The following CCND3 variants were observed in gnomAD, a reference collection of about 807,000 sequenced individuals.
CCND3 encodes G1/S-specific cyclin-D3.
CCND3 carries 9 observed loss-of-function variants against 28.7 expected under a neutral mutation model. The observed-to-expected ratio is 0.31, with a 90% confidence interval of 0.19 to 0.55. CCND3 has a LOEUF of 0.55. CCND3 is among the 20% of genes least tolerant of loss of function. CCND3 has a pLI of 0.93. For synonymous variants in CCND3, 164 were observed against 163.9 expected, an observed-to-expected ratio of 1.00 and a Z score of 0.00; for missense variants, 315 against 385.8, an observed-to-expected ratio of 0.82 and a Z score of 1.54.
Position 41,936,538 on chromosome 6 carries a change from GCCCAGCTA to G in CCND3, c.711+13_711+20del, listed in dbSNP as rs1195615363. On this transcript the variant is annotated intron_variant, in intron 4 of 4. Coordinates refer to ENST00000372991, the MANE Select transcript of CCND3 (RefSeq NM_001760.5). The surrounding 1 kb of genome is among the most constrained non-coding windows in gnomAD (Gnocchi z 4.4). ...CTACTTTATGAATGGAGAGGCTGCT[GCCCAGCTA>G]CCCAGCACTCACCACTTCAGTGCCA... The G allele has an allele frequency of 5.0e-6, 8 of 1,613,154 alleles. No individual in the cohort carries two copies. Among genetic ancestry groups the G allele is most frequent in the Non-Finnish European group, 5.1e-6 (6 of 1,179,544 alleles).
chr6:41,981,497 C>G (rs1261007107), intron 1 of CCND3, among the ~76,000 whole-genome samples: 1 of 96,506 alleles, frequency 1.0e-5, no homozygotes, highest in South Asian at 3.1e-4. Flanking sequence ...GCCACCACGC[C>G]CGGCCATGAG....
chr6:42,009,385 G>A (rs928790792), intron 1 of CCND3, among the ~76,000 whole-genome samples: 8 of 152,154 alleles, frequency 5.3e-5, no homozygotes, highest in Non-Finnish European at 1.2e-4. Flanking sequence ...GCCGAGGCTG[G>A]TGGGTCACCT....
intron 1 of CCND3, among the ~76,000 whole-genome samples, chr6:41,960,322 C>A (rs1761685627): frequency 6.6e-6 from 1 of 152,162 alleles, no homozygotes. Flanking sequence ...ATGGTAGTAG[C>A]TACATAGCTC....
intron 1 of CCND3, among the ~76,000 whole-genome samples, chr6:42,042,326 T>C (rs1293354896): frequency 6.6e-6 from 1 of 151,430 alleles, no homozygotes; most frequent in African/African-American, 2.4e-5. Context: ...TTGTGTGTAC[T>C]GCCTCATAAT....
chr6:42,009,890 C>T (rs1407661300), intron 1 of CCND3, among the ~76,000 whole-genome samples: 2 of 152,098 alleles, frequency 1.3e-5, no homozygotes, highest in Non-Finnish European at 2.9e-5. Context: ...GTAGAAGCAG[C>T]ATCAACAACT....
intron 1 of CCND3, among the ~76,000 whole-genome samples, chr6:41,978,841 T>C (rs1762251743): frequency 6.6e-6 from 1 of 152,174 alleles, no homozygotes; most frequent in South Asian, 2.1e-4. Flanking sequence ...TGCATTTCTA[T>C]ACTTAGGAAA....
chr6:41,996,300 C>A (rs1031714979), intron 1 of CCND3, among the ~76,000 whole-genome samples: 2 of 151,672 alleles, frequency 1.3e-5, no homozygotes, highest in Non-Finnish European at 2.9e-5. Flanking sequence ...CAGGCACACG[C>A]CACCATGTCC....
intron 1 of CCND3, among the ~76,000 whole-genome samples, chr6:41,961,582 C>T (rs1306726190): frequency 4.6e-5 from 7 of 151,352 alleles, no homozygotes; most frequent in Non-Finnish European, 8.8e-5. Flanking sequence ...ACAACAACAA[C>T]AAAAACAACA....
At chr6:41,996,351 T>C (rs1226817316) in intron 1 of CCND3, among the ~76,000 whole-genome samples, 1 of 151,720 alleles carries the variant, frequency 6.6e-6, no homozygotes, top group Non-Finnish European at 1.5e-5. Flanking sequence ...GGTTTCACCA[T>C]GTTGGCCAGG....
chr6:41,981,521 C>A (rs1019562262), intron 1 of CCND3, among the ~76,000 whole-genome samples: 1 of 146,296 alleles, frequency 6.8e-6, no homozygotes, highest in Admixed American at 6.9e-5. Context: ...CCACGCCCAG[C>A]CTATTTATTT....
At chr6:41,937,520 T>C (rs936805592) in intron 2 of CCND3, 126 bp from the exon 3 acceptor site, 5 of 1,144,546 alleles carry the variant, frequency 4.4e-6, no homozygotes, top group Non-Finnish European at 6.1e-6. Flanking sequence ...CCCAGTTCTG[T>C]TTCTGATTTT....
chr6:42,034,468 C>CTCTTT (rs1554168156), intron 1 of CCND3, among the ~76,000 whole-genome samples: 2 of 51,002 alleles, frequency 3.9e-5, no homozygotes, highest in African/African-American at 8.5e-5. Flanking sequence ...CCCTGTCACT[C>CTCTTT]TTTTTTTTTT....
intron 1 of CCND3, among the ~76,000 whole-genome samples, chr6:42,039,547 G>T (rs944980518): frequency 1.3e-5 from 2 of 152,206 alleles, no homozygotes; most frequent in Non-Finnish European, 2.9e-5. Context: ...CCAGACTTAC[G>T]CTCTCAGCTG....
intron 1 of CCND3, among the ~76,000 whole-genome samples, chr6:42,036,396 TATA>T (rs1338879385): frequency 2.3e-4 from 11 of 47,184 alleles, no homozygotes; most frequent in East Asian, 2.3e-3. Context: ...TATATATATA[TATA>T]TATATTTTTT....
chr6:41,980,196 C>T (rs1449473110), intron 1 of CCND3, among the ~76,000 whole-genome samples: 3 of 150,562 alleles, frequency 2.0e-5, no homozygotes, highest in Non-Finnish European at 4.4e-5. Flanking sequence ...AGTGCAGTGG[C>T]ACAATCTTGG....
chr6:42,007,094 A>G (rs1166347319), intron 1 of CCND3, among the ~76,000 whole-genome samples: 9 of 152,110 alleles, frequency 5.9e-5, no homozygotes, highest in African/African-American at 2.2e-4. Context: ...ATATACATAC[A>G]CACATGTATA....
intron 1 of CCND3, among the ~76,000 whole-genome samples, chr6:41,974,398 AG>A (rs907082719): frequency 6.6e-6 from 1 of 152,134 alleles, no homozygotes; most frequent in African/African-American, 2.4e-5. Context: ...GCTTTCTGGC[AG>A]GGGGTATCAT....
intron 1 of CCND3, among the ~76,000 whole-genome samples, chr6:41,971,965 C>T (rs1200040256): frequency 6.7e-6 from 1 of 150,312 alleles, no homozygotes; most frequent in African/African-American, 2.4e-5. Context: ...GTGGCTCACG[C>T]CTGTAATCCC....
At chr6:41,976,267 G>A (rs767625527) in intron 1 of CCND3, among the ~76,000 whole-genome samples, 14 of 152,056 alleles carry the variant, frequency 9.2e-5, no homozygotes, top group Admixed American at 1.3e-4. Flanking sequence ...CAGAAGAATC[G>A]CTTGAACCTG....
Sources: allele counts gnomAD v4.1 joint callset (sites outside exome capture counted in the v4.1 genomes callset), GRCh38; gene constraint gnomAD v4.1.1; non-coding constraint Gnocchi (gnomAD v3.1); transcripts MANE v1.5; gene names NCBI Gene and HGNC (gene_info 2026-07-23, HGNC 2026-07-21).